The following SLC24A2 variants were observed in gnomAD, a reference collection of about 807,000 sequenced individuals.
SLC24A2 encodes sodium/potassium/calcium exchanger 2.
In SLC24A2, 36 loss-of-function variants were observed where a neutral mutation model predicts 62.0. The observed-to-expected ratio is 0.58, with a 90% CI of 0.44 to 0.77. The LOEUF (loss-of-function observed/expected upper bound fraction) is 0.77. SLC24A2 is among the 30% of genes least tolerant of loss of function. SLC24A2 has a pLI of 0.00. For synonymous variants in SLC24A2, 358 were observed against 294.0 expected (o/e 1.22, Z -2.23); for missense variants, 846 against 817.9 (o/e 1.03, Z -0.42).
At chr9:19,977,859 C>T in the SLC24A2 span, among the ~76,000 whole-genome samples, 2 of 152,104 alleles carry the variant, frequency 1.3e-5, no homozygotes, top group African/African-American at 4.8e-5. Context: ...ACACAGAGCT[C>T]CCAGCCCCAC....
chr9:19,645,102 G>C (rs62563285), intron 2 of SLC24A2, among the ~76,000 whole-genome samples: 4,530 of 152,124 alleles, frequency 0.03, 69 homozygotes, highest in Middle Eastern at 0.068. Context: ...GAAAAGAATG[G>C]TTTAAGTATT....
chr9:19,626,216 C>G (rs1002264978), intron 2 of SLC24A2, among the ~76,000 whole-genome samples: 1 of 152,142 alleles, frequency 6.6e-6, no homozygotes, highest in Middle Eastern at 3.2e-3. Context: ...TGTACATAGC[C>G]TTTCACCACA....
intron 2 of SLC24A2, among the ~76,000 whole-genome samples, chr9:19,720,702 A>G (rs949987006): frequency 3.0e-5 from 4 of 132,718 alleles, no homozygotes; most frequent in African/African-American, 1.1e-4. Context: ...CCCCCCCCCA[A>G]AAAAAATCAC....
the SLC24A2 span, among the ~76,000 whole-genome samples, chr9:20,086,047 T>G: frequency 6.6e-6 from 1 of 152,196 alleles, no homozygotes; most frequent in South Asian, 2.1e-4. Flanking sequence ...CATGTCCTCC[T>G]TCATCAGAGC....
chr9:20,252,254 T>A, the SLC24A2 span, among the ~76,000 whole-genome samples: 1 of 152,250 alleles, frequency 6.6e-6, no homozygotes, highest in Non-Finnish European at 1.5e-5. Context: ...CATATGAGTT[T>A]TATTCCTAAT....
the SLC24A2 span, among the ~76,000 whole-genome samples, chr9:20,291,355 G>A: frequency 0.017 from 2,555 of 152,132 alleles, 51 homozygotes; most frequent in African/African-American, 0.057. Context: ...AAAGGAGAAA[G>A]GTACACAAAG....
the SLC24A2 span, among the ~76,000 whole-genome samples, chr9:20,215,014 A>G: frequency 7.9e-5 from 12 of 152,368 alleles, no homozygotes; most frequent in South Asian, 2.1e-4. Context: ...TCAGGCTGCT[A>G]TAACAAAATA....
chr9:19,563,701 ACTTC>A (rs1485001280), intron 7 of SLC24A2, among the ~76,000 whole-genome samples: 3 of 131,942 alleles, frequency 2.3e-5, no homozygotes, highest in African/African-American at 3.6e-5. Flanking sequence ...TCCCTCCCTT[ACTTC>A]CTTTTCCAAC....
chr9:20,114,547 A>G, the SLC24A2 span, among the ~76,000 whole-genome samples: 5 of 152,310 alleles, frequency 3.3e-5, no homozygotes, highest in Admixed American at 6.5e-5. Flanking sequence ...CACCATCCCA[A>G]AAGTTCCAAG....
the SLC24A2 span, among the ~76,000 whole-genome samples, chr9:20,219,054 A>G: frequency 4.1e-4 from 63 of 152,344 alleles, no homozygotes; most frequent in East Asian, 0.01. Flanking sequence ...GATCTCTGTC[A>G]TTGTATGTGA....
chr9:20,087,067 T>C, the SLC24A2 span, among the ~76,000 whole-genome samples: 1 of 152,344 alleles, frequency 6.6e-6, no homozygotes, highest in Non-Finnish European at 1.5e-5. Flanking sequence ...AGCTGGACCA[T>C]ATATATCTGG....
intron 8 of SLC24A2, among the ~76,000 whole-genome samples, chr9:19,539,541 C>G (rs919635385): frequency 6.7e-5 from 9 of 133,778 alleles, no homozygotes; most frequent in African/African-American, 2.3e-4. Context: ...ATCCTGAGTT[C>G]TAGTTTGATT....
intron 4 of SLC24A2, among the ~76,000 whole-genome samples, chr9:19,600,341 ACT>A (rs1688778765): frequency 6.6e-6 from 1 of 151,952 alleles, no homozygotes; most frequent in African/African-American, 2.4e-5. Context: ...TACCCCTCTA[ACT>A]CTGTATCACA....
chr9:20,146,481 C>T, the SLC24A2 span, among the ~76,000 whole-genome samples: 2 of 152,142 alleles, frequency 1.3e-5, no homozygotes, highest in Middle Eastern at 6.8e-3. Context: ...ATTCTATGCT[C>T]ACTAGGCAAA....
chr9:19,845,099 T>G, the SLC24A2 span, among the ~76,000 whole-genome samples: 17 of 152,252 alleles, frequency 1.1e-4, no homozygotes, highest in African/African-American at 4.1e-4. Flanking sequence ...GTAGATTGCT[T>G]TGGGCAGTAT....
At chr9:20,136,988 G>T in the SLC24A2 span, among the ~76,000 whole-genome samples, 3 of 152,142 alleles carry the variant, frequency 2.0e-5, no homozygotes, top group South Asian at 6.2e-4. Context: ...AATTAAGAGA[G>T]ATAATGCTCT....
rs902054242 is a variant in SLC24A2 at position 19,573,383 on chromosome 9, G to C, written c.1315C>G (p.Leu439Val). The C allele has an allele frequency of 1.1e-5, 17 of 1,613,296 alleles. No homozygotes were observed. Among genetic ancestry groups the C allele is most frequent in the Non-Finnish European group, 1.4e-5 (16 of 1,179,480 alleles). The change falls in exon 7 of 11, where the codon CTC becomes GTC. Residue 439 changes from leucine (L) to valine (V), a missense_variant. Coordinates refer to ENST00000341998, the MANE Select transcript of SLC24A2 (RefSeq NM_020344.4). The stretch of plus-strand genomic sequence containing the variant: ...TCTGCACCTTCAATGTTGTGGGAGA[G>C]ATTTCCATTTTGTACAGGTTCTGAA... The part of the protein sequence containing the change: ...DASEPVQNGN[L>V]SHNIEGAEAQ...
At chr9:19,535,109 G>GT (rs1833894340) in intron 8 of SLC24A2, among the ~76,000 whole-genome samples, 1 of 152,180 alleles carries the variant, frequency 6.6e-6, no homozygotes, top group Non-Finnish European at 1.5e-5. Flanking sequence ...CTAATGACCA[G>GT]TGATGATGAG....
At chr9:20,216,593 T>C in the SLC24A2 span, among the ~76,000 whole-genome samples, 7 of 152,282 alleles carry the variant, frequency 4.6e-5, no homozygotes, top group African/African-American at 1.4e-4. Flanking sequence ...CAATCATGGG[T>C]TCTGACCCTC....
Sources: gnomAD v4.1 joint callset for allele counts (sites outside exome capture counted in the v4.1 genomes callset) on GRCh38, gnomAD v4.1.1 for gene constraint, MANE v1.5 for transcripts, NCBI Gene and HGNC (gene_info 2026-07-23, HGNC 2026-07-21) for gene names.